The following PSMD2 variants were observed in gnomAD, a reference collection of about 807,000 sequenced individuals.
The protein encoded by PSMD2 is 26S proteasome non-ATPase regulatory subunit 2.
Under a neutral mutation model 101.5 loss-of-function variants are expected in PSMD2, and 8 were observed. The ratio of observed to expected loss-of-function variants is 0.08; its 90% CI spans 0.05 to 0.14. The LOEUF is 0.14. PSMD2 is among the 10% of genes least tolerant of loss of function. The pLI is 1.00. For missense variants in PSMD2, 784 were observed against 1,147.4 expected (o/e 0.68, Z 4.58); for synonymous variants, 418 against 433.8 (o/e 0.96, Z 0.45).
chr3:184,304,132 G>A lies in PSMD2; in HGVS notation c.1451+58G>A. The A allele has an allele frequency of 1.2e-6, 2 of 1,605,624 alleles. No individual in the cohort carries two copies. Among genetic ancestry groups the A allele is most frequent in the South Asian group, 1.1e-5 (1 of 90,870 alleles). On this transcript the variant is annotated intron_variant, in intron 11 of 20. Coordinates refer to ENST00000310118, the MANE Select transcript of PSMD2 (RefSeq NM_002808.5). This position sits in a 1 kb window ranked among gnomAD's most constrained non-coding sequence, Gnocchi z 4.1. ...TCAGCCTGTACACTCTGGAGAACAG[G>A]AACTGGGCCCTTTTCACCCATATTG...
chr3:184,301,616 G>T lies in PSMD2; in HGVS notation c.437G>T (p.Gly146Val). Reference protein sequence around the residue: ...ERECLKYRLVGSQEELASWGH... With the variant: ...ERECLKYRLVVSQEELASWGH... ...GAGTGCCTCAAGTATCGGCTAGTGG[G>T]CTCCCAGGAGGAATTGGCATCATGG... The change falls in exon 4 of 21, where the codon GGC becomes GTC. Residue 146 changes from glycine to valine, a missense_variant. Gly to Val is a moderately radical substitution (Grantham distance 109). Transcript: ENST00000310118. The T allele has an allele frequency of 6.2e-7, 1 of 1,614,158 alleles. No individual in the cohort carries two copies. Among genetic ancestry groups the T allele is most frequent in the Non-Finnish European group, 8.5e-7 (1 of 1,180,012 alleles).
intron 3 of PSMD2, 41 bp downstream of exon 3, chr3:184,300,485 T>C (rs1721605330): frequency 6.3e-7 from 1 of 1,597,204 alleles, no homozygotes; most frequent in Non-Finnish European, 8.5e-7. Context: ...AGTTTAGGAA[T>C]TCCTTTTTAC....
In PSMD2 at chr3:184,303,422, T is replaced by A. The variant is rs374222348; in HGVS notation, c.1172T>A (p.Leu391Gln). The change falls in exon 9 of 21, where the codon CTA (leucine) becomes CAA (glutamine). Residue 391 changes from leucine to glutamine, a missense_variant. Leu to Gln is a moderately radical substitution (Grantham distance 113). Around this residue, in one of 6 missense-constraint regions of PSMD2, gnomAD observed 37 missense variants for 107.0 expected, o/e 0.35. Transcript: ENST00000310118. ...VNAAFGQDKLLTDDGNKWLYK... is the reference protein window; with the variant it reads ...VNAAFGQDKLQTDDGNKWLYK... ...GCAGCTTTTGGCCAAGACAAGCTGC[T>A]AACAGATGATGGCAACAAATGGCTT... 3.7e-6 allele frequency: 6 copies of A among 1,614,096 alleles called. No homozygotes were observed. Among genetic ancestry groups the A allele is most frequent in the Non-Finnish European group, 4.2e-6 (5 of 1,180,054 alleles).
chr3:184,303,529 G>C (rs1721722625), intron 9 of PSMD2, 63 bp downstream of exon 9: 1 of 1,606,130 alleles, frequency 6.2e-7, no homozygotes, highest in African/African-American at 1.3e-5. Flanking sequence ...TCCTCTTGGA[G>C]TCATAAGTTA....
chr3:184,304,471 GAAGT>G lies in PSMD2; in HGVS notation c.1539+85_1539+88del, dbSNP rs1353202379. 34 of 1,444,716 alleles carry G rather than the reference GAAGT, an allele frequency of 2.4e-5. No individual in the cohort carries two copies. In the Admixed American group the frequency reaches 3.0e-4, roughly 13 times the overall value. The allele number at this position is 1,444,716 out of a possible 1,614,324, so 89.5% of individuals were successfully genotyped here. ...ACTTTCTGTGATAAATAATGAAAAA[GAAGT>G]AAGTGTGTGCATGTGTGCATACATG... On this transcript the variant is annotated intron_variant, in intron 12 of 20. Transcript: ENST00000310118. This position sits in a 1 kb window ranked among gnomAD's most constrained non-coding sequence, Gnocchi z 4.1.
At chr3:184,303,852 T>C in intron 10 of PSMD2, 95 bp from the exon 11 acceptor site, 2 of 1,603,224 alleles carry the variant, frequency 1.2e-6, no homozygotes, top group South Asian at 2.2e-5. Flanking sequence ...TTTTTAACTC[T>C]AGTTAATAAG....
At chr3:184,299,772 T>C (rs1268757888) in intron 1 of PSMD2, 79 bp from the exon 2 acceptor site, 11 of 1,251,324 alleles carry the variant, frequency 8.8e-6, no homozygotes, top group Non-Finnish European at 1.1e-5. Flanking sequence ...AGGCTTATTC[T>C]TCACCTGCCC....
chr3:184,299,974 G>T (rs1721590086), intron 2 of PSMD2, 67 bp downstream of exon 2: 3 of 1,402,164 alleles, frequency 2.1e-6, no homozygotes, highest in Non-Finnish European at 3.0e-6. Flanking sequence ...ATTCTTTTTT[G>T]AGGCAACTGC....
intron 6 of PSMD2, 55 bp from the exon 7 acceptor site, chr3:184,302,624 T>C: frequency 6.2e-7 from 1 of 1,612,112 alleles, no homozygotes; most frequent in Non-Finnish European, 8.5e-7. Context: ...GCTTGAGGGG[T>C]TTTCCTGTGC....
At chr3:184,299,662 G>T (rs967931202) in intron 1 of PSMD2, 189 bp from the exon 2 acceptor site, 32 of 627,894 alleles carry the variant, frequency 5.1e-5, no homozygotes, top group Non-Finnish European at 7.6e-5. Context: ...TCCTAGAGTG[G>T]CATTCAAGTA....
intron 4 of PSMD2, 87 bp from the exon 5 acceptor site, chr3:184,301,760 G>C (rs769457737): frequency 6.2e-7 from 1 of 1,608,890 alleles, no homozygotes; most frequent in South Asian, 1.1e-5. Context: ...TCAGTGTATT[G>C]AATTTCCCAG....
intron 2 of PSMD2, 28 bp from the exon 3 acceptor site, chr3:184,300,252 T>G (rs1439028916): frequency 5.6e-6 from 9 of 1,595,372 alleles, no homozygotes; most frequent in Non-Finnish European, 7.7e-6. Context: ...GACTCCTTTT[T>G]GTCTGAGCCC....
Position 184,303,531 on chromosome 3 carries a change from C to G in PSMD2, c.1216+65C>G, listed in dbSNP as rs916170603. 5 of 1,604,890 alleles carry G rather than the reference C, an allele frequency of 3.1e-6. No homozygotes were observed. In the African/African-American group the frequency reaches 6.7e-5, roughly 22 times the overall value. On this transcript the variant is annotated intron_variant, in intron 9 of 20. Coordinates refer to ENST00000310118, the MANE Select transcript of PSMD2 (RefSeq NM_002808.5). ...ATCACTTCTTTTGTCCTCTTGGAGT[C>G]ATAAGTTATCTGACAAGGGATCCAC...
rs147772771 is a variant in PSMD2, at chr3:184,300,086, G to A, written c.192+179G>A. Among the ~76,000 whole-genome samples the A allele has an allele frequency of 7.2e-5, 11 of 152,298 alleles. No homozygotes were observed. The East Asian group carries it at 1.9e-3, about 27-fold the overall frequency. ...ACAGTTTTGCAGCTTTCTCTTGTGG[G>A]AGAAGCAGAGTTCTTACCTCTTAAC... On this transcript the variant is annotated intron_variant, in intron 2 of 20. Transcript: ENST00000310118.
intron 8 of PSMD2, 32 bp from the exon 9 acceptor site, chr3:184,303,288 T>C (rs748000638): frequency 2.7e-5 from 44 of 1,601,152 alleles, no homozygotes; most frequent in Non-Finnish European, 3.6e-5. Flanking sequence ...TGAAACCTTC[T>C]TTCCTTACTT....
intron 14 of PSMD2, 74 bp downstream of exon 14, chr3:184,306,229 T>C (rs920160900): frequency 8.8e-6 from 14 of 1,595,390 alleles, no homozygotes; most frequent in Non-Finnish European, 1.2e-5. Context: ...TATTTTCAGG[T>C]TGTTTCTCCT....
In PSMD2 at chr3:184,306,364, C is replaced by T; in HGVS notation, c.1819C>T (p.Leu607=). ...CCCTGACGCAGGCTCTGGGAATGTG[C>T]TGAAGGTGCAGCAGCTGCTCCACAT... is the stretch of plus-strand genomic sequence containing the variant. ...VCAYAGSGNV[L]KVQQLLHICS... The change falls in exon 15 of 21, where the codon CTG becomes TTG. Residue 607 remains leucine (L), a synonymous_variant. Transcript: ENST00000310118. 1.2e-6 allele frequency: 2 copies of T among 1,614,096 alleles called. No individual in the cohort carries two copies. The highest frequency in any genetic ancestry group is 2.2e-5 in the South Asian group (2 of 91,088).
intron 1 of PSMD2, 157 bp from the exon 2 acceptor site, chr3:184,299,694 C>T (rs923826643): frequency 1.5e-6 from 1 of 688,378 alleles, no homozygotes; most frequent in Non-Finnish European, 2.5e-6. Flanking sequence ...AGAACCCAGG[C>T]TGATTTCTCA....
At chr3:184,299,601 C>A in intron 1 of PSMD2, 200 bp downstream of exon 1, 2 of 781,232 alleles carry the variant, frequency 2.6e-6, no homozygotes, top group East Asian at 2.9e-5. Flanking sequence ...CCCACCAACC[C>A]TCACCACCGC....
Sources: gnomAD v4.1 joint callset for allele counts (sites outside exome capture counted in the v4.1 genomes callset) on GRCh38, gnomAD v4.1.1 for gene constraint, gnomAD v4.1.1 regional missense constraint, Gnocchi (gnomAD v3.1) non-coding constraint, MANE v1.5 for transcripts, NCBI Gene and HGNC (gene_info 2026-07-23, HGNC 2026-07-21) for gene names.